The following RPS14 variants were observed in gnomAD, a reference collection of about 807,000 sequenced individuals.
The protein encoded by RPS14 is ribosomal protein S14.
In RPS14, 1 loss-of-function variant was observed where a neutral mutation model predicts 15.4. That is an observed-to-expected ratio of 0.07 (90% CI 0.02 to 0.31). RPS14 has a LOEUF of 0.31. Ranked by LOEUF, RPS14 falls within the 10% of genes least tolerant of loss-of-function variation. The pLI is 1.00. For missense variants in RPS14, 69 were observed against 205.5 expected (o/e 0.34, Z 4.06); for synonymous variants, 68 against 74.4 (o/e 0.91, Z 0.44).
At chr5:150,444,943 C>T (rs552942946) in intron 4 of RPS14, among the ~76,000 whole-genome samples, 4 of 152,216 alleles carry the variant, frequency 2.6e-5, no homozygotes, top group East Asian at 3.9e-4. Flanking sequence ...TGGACAGATC[C>T]GCCCACGAGG....
chr5:150,449,534 C>T (rs946484676), intron 1 of RPS14, 169 bp downstream of exon 1: 2 of 152,254 alleles, frequency 1.3e-5, no homozygotes, highest in Non-Finnish European at 2.9e-5. Flanking sequence ...CTTCTGAGAC[C>T]AGGAACGAAC....
At chr5:150,445,275 G>T in intron 4 of RPS14, 1 of 400,802 alleles carries the variant, frequency 2.5e-6, no homozygotes. Context: ...CAAAAATGCT[G>T]AACATCCTAC....
intron 4 of RPS14, chr5:150,444,710 GAA>G: frequency 4.2e-6 from 2 of 476,750 alleles, no homozygotes; most frequent in South Asian, 3.2e-5. Context: ...AAAAGACACT[GAA>G]AAAAAGTCTG....
chr5:150,449,536 G>A (rs1771209056), intron 1 of RPS14, 167 bp downstream of exon 1: 1 of 152,256 alleles, frequency 6.6e-6, no homozygotes, highest in Admixed American at 6.5e-5. Flanking sequence ...TCTGAGACCA[G>A]GAACGAACTC....
intron 4 of RPS14, among the ~76,000 whole-genome samples, chr5:150,444,949 C>T (rs936838998): frequency 1.3e-5 from 2 of 152,166 alleles, no homozygotes; most frequent in Non-Finnish European, 2.9e-5. Flanking sequence ...GATCCGCCCA[C>T]GAGGCGAAAT....
chr5:150,445,523 G>T, intron 4 of RPS14, 86 bp downstream of exon 4: 1 of 1,287,498 alleles, frequency 7.8e-7, no homozygotes, highest in Non-Finnish European at 1.1e-6. Context: ...CAGACCAGCC[G>T]CTGCACATCC....
rs570380183 is a variant in RPS14, at chr5:150,449,405, C to G, written c.-3+298G>C. ...CCACGTCTGTCCCGGGTTCCCTCAA[C>G]TACGCTGTGCAGCTCAAACGCGGCC... On this transcript the variant is annotated intron_variant, in intron 1 of 4. Transcript: ENST00000407193. 2.6e-5 allele frequency: 4 copies of G among 152,294 alleles called. No individual in the cohort carries two copies. In the East Asian group the frequency reaches 7.7e-4, roughly 29 times the overall value. The allele number at this position is 152,294 out of a possible 1,614,324, so 9.4% of individuals were successfully genotyped here. A position where few individuals can be genotyped will look rare whatever the true frequency, so the allele number is the denominator to read the frequency against.
rs1413732450 is a variant in RPS14, at chr5:150,445,689, G to A, written c.312-4C>T. On this transcript the variant is annotated splice_region_variant and splice_polypyrimidine_tract_variant and intron_variant, in intron 3 of 4. Coordinates refer to ENST00000407193, the MANE Select transcript of RPS14 (RefSeq NM_005617.4). ...CCCAGGTCCAGGGGTCTTGGTCCTA[G>A]AAAATGAAGGTTTAAGTTAAGAAGA... is the stretch of plus-strand genomic sequence containing the variant. 1.2e-6 allele frequency: 2 copies of A among 1,605,050 alleles called. No homozygotes were observed. The highest frequency in any genetic ancestry group is 2.2e-5 in the East Asian group (1 of 44,864).
intron 1 of RPS14, chr5:150,449,349 G>A (rs911750331): frequency 6.6e-6 from 1 of 152,246 alleles, no homozygotes; most frequent in Non-Finnish European, 1.5e-5. Context: ...CGATCACCAA[G>A]AAAAAAGTTT....
In RPS14 at chr5:150,447,197, A is replaced by G. The variant is rs768958082; in HGVS notation, c.150-234T>C. 328 of 558,568 alleles carry G rather than the reference A, an allele frequency of 5.9e-4. 1 individual carries two copies. The highest frequency in any genetic ancestry group is 2.7e-4 in the Non-Finnish European group (85 of 316,614). The allele number at this position is 558,568 out of a possible 1,614,324, so 34.6% of individuals were successfully genotyped here. A position where few individuals can be genotyped will look rare whatever the true frequency, so the allele number is the denominator to read the frequency against. ...CTTACCATTACTCCACAAGGTAGAC[A>G]TTACTGTCCTAATTTTACATATGAG... On this transcript the variant is annotated intron_variant, in intron 2 of 4. Coordinates refer to ENST00000407193, the MANE Select transcript of RPS14 (RefSeq NM_005617.4).
intron 1 of RPS14, 67 bp downstream of exon 1, chr5:150,449,635 TC>T (rs1771212502): frequency 6.6e-6 from 1 of 152,276 alleles, no homozygotes; most frequent in Non-Finnish European, 1.5e-5. Flanking sequence ...CCCCCGTCTC[TC>T]GTCCCAAGCC....
rs572821998 is a variant in RPS14, at chr5:150,447,364, C to G, written c.149+221G>C. 3 of 583,078 alleles carry G rather than the reference C, an allele frequency of 5.1e-6. No homozygotes were observed. In the South Asian group the frequency reaches 6.6e-5, roughly 13 times the overall value. 36.1% of individuals were successfully genotyped at this position (583,078 alleles called of 1,614,324 possible). A position where few individuals can be genotyped will look rare whatever the true frequency, so the allele number is the denominator to read the frequency against. On this transcript the variant is annotated intron_variant, in intron 2 of 4. Transcript: ENST00000407193. Reference sequence around the variant, plus strand: ...GGAAAGAAGATAATTCCCAAGAAACCAAGGATTCAATGACCATCACGCTGT... The same window carrying G: ...GGAAAGAAGATAATTCCCAAGAAACGAAGGATTCAATGACCATCACGCTGT...
intron 4 of RPS14, among the ~76,000 whole-genome samples, chr5:150,444,891 T>A (rs541709867): frequency 2.0e-5 from 3 of 149,556 alleles, no homozygotes; most frequent in Non-Finnish European, 4.4e-5. Flanking sequence ...TGGCACACAC[T>A]GTTGTCCCAG....
chr5:150,444,591 G>A, intron 4 of RPS14: 1 of 670,012 alleles, frequency 1.5e-6, no homozygotes, highest in Non-Finnish European at 2.7e-6. Flanking sequence ...TGCGCAAGAT[G>A]TCAGAGGCAC....
chr5:150,447,743 G>T lies in RPS14; in HGVS notation c.-2-8C>A. On this transcript the variant is annotated splice_polypyrimidine_tract_variant and splice_region_variant and intron_variant, in intron 1 of 4. Coordinates refer to ENST00000407193, the MANE Select transcript of RPS14 (RefSeq NM_005617.4). ...CCTTTCGAGGTGCCATTTCTGAGTGGAAGGAAAAGAAACTCAAGGTTAACA... is the reference window on the plus strand; with the variant it reads ...CCTTTCGAGGTGCCATTTCTGAGTGTAAGGAAAAGAAACTCAAGGTTAACA... 1 of 1,611,354 alleles carries T rather than the reference G, an allele frequency of 6.2e-7. No homozygotes were observed. Among genetic ancestry groups the T allele is most frequent in the Non-Finnish European group, 8.5e-7 (1 of 1,178,024 alleles).
rs1323275501 is a variant in RPS14, at chr5:150,443,522, C to A, written c.*764G>T. On this transcript the variant is annotated 3_prime_UTR_variant, in exon 5 of 5. Transcript: ENST00000407193. ...TTCCCCTCTTGCTGGTTTCTTTCCT[C>A]TACAACTGACTACCTCAATGGTCTC... 2 of 152,254 alleles carry A rather than the reference C, an allele frequency of 1.3e-5. No homozygotes were observed. Among genetic ancestry groups the A allele is most frequent in the Admixed American group, 1.3e-4 (2 of 15,264 alleles). 9.4% of individuals were successfully genotyped at this position (152,254 alleles called of 1,614,324 possible).
rs1359392810 is a variant in RPS14, at chr5:150,446,424, G to A, written c.311+378C>T. On this transcript the variant is annotated intron_variant, in intron 3 of 4. Transcript: ENST00000407193. This position sits in a 1 kb window ranked among gnomAD's most constrained non-coding sequence, Gnocchi z 4.2. ...CTCCGGACTTATCATTTAGACCCTA[G>A]TTTAAATTACACTTTATCACCAACT... Among the ~76,000 whole-genome samples the A allele has an allele frequency of 6.6e-6, 1 of 152,174 alleles. No individual in the cohort carries two copies. The highest frequency in any genetic ancestry group is 2.4e-5 in the African/African-American group (1 of 41,436).
In RPS14 at chr5:150,446,738, G is replaced by C; in HGVS notation, c.311+64C>G. 1 of 1,550,318 alleles carries C rather than the reference G, an allele frequency of 6.5e-7. No homozygotes were observed. The highest frequency in any genetic ancestry group is 1.2e-5 in the South Asian group (1 of 84,006). ...ACAAAAAACCCAAACCTCAAATCCA[G>C]GTGCTCCAGCACCCAAGCCCAGCAG... On this transcript the variant is annotated intron_variant, in intron 3 of 4. Coordinates refer to ENST00000407193, the MANE Select transcript of RPS14 (RefSeq NM_005617.4). This position sits in a 1 kb window ranked among gnomAD's most constrained non-coding sequence, Gnocchi z 4.2.
chr5:150,447,455 G>A, intron 2 of RPS14, 130 bp downstream of exon 2: 1 of 915,382 alleles, frequency 1.1e-6, no homozygotes, highest in South Asian at 1.5e-5. Context: ...GGGCTAAATG[G>A]ACAAGCACAT....
Sources: allele counts gnomAD v4.1 joint callset (sites outside exome capture counted in the v4.1 genomes callset), GRCh38; gene constraint gnomAD v4.1.1; non-coding constraint Gnocchi (gnomAD v3.1); transcripts MANE v1.5; gene names NCBI Gene and HGNC (gene_info 2026-07-23, HGNC 2026-07-21).